The following PAPPA variants were observed in gnomAD, a reference collection of about 807,000 sequenced individuals.
PAPPA encodes pappalysin-1.
PAPPA carries 60 observed loss-of-function variants against 164.0 expected under a neutral mutation model. The observed-to-expected ratio is 0.37, with a 90% CI of 0.30 to 0.45. The LOEUF is 0.45. Ranked by LOEUF, PAPPA falls within the 20% of genes least tolerant of loss-of-function variation. The pLI is 1.00. For synonymous variants in PAPPA, 875 were observed against 814.1 expected (o/e 1.07, Z -1.27); for missense variants, 1,782 against 2,087.3 (o/e 0.85, Z 2.85).
At position 116,187,730 on chromosome 9, in the gene PAPPA, T is replaced by C; in HGVS notation, c.992T>C (p.Leu331Ser). Reference protein sequence around the residue: ...SLEPPLCGQTLCDNTEVIASY... With the variant: ...SLEPPLCGQTSCDNTEVIASY... ...GAGCCTCCTCTGTGCGGACAGACAT[T>C]GTGTGACAACACAGAGGTCATTGCC... Residue 331 changes from leucine to serine, a missense_variant, in exon 2 of 22, where the codon TTG (leucine) becomes TCG (serine). Transcript: ENST00000328252. This position sits in a 1 kb window ranked among gnomAD's most constrained non-coding sequence, Gnocchi z 4.2. 1 of 1,614,214 alleles carries C rather than the reference T, an allele frequency of 6.2e-7. No homozygotes were observed. The highest frequency in any genetic ancestry group is 8.5e-7 in the Non-Finnish European group (1 of 1,180,028).
chr9:116,295,803 C>G (rs1276040598), intron 9 of PAPPA, among the ~76,000 whole-genome samples: 2 of 152,150 alleles, frequency 1.3e-5, no homozygotes, highest in African/African-American at 2.4e-5. Context: ...TCTCCCAAAT[C>G]ATTTTGTCAA....
At chr9:116,177,936 T>A (rs1328106079) in intron 1 of PAPPA, among the ~76,000 whole-genome samples, 1 of 152,140 alleles carries the variant, frequency 6.6e-6, no homozygotes, top group East Asian at 1.9e-4. Context: ...TGCACCAATT[T>A]TATATGCACT....
At chr9:116,252,683 C>T (rs530748263) in intron 7 of PAPPA, among the ~76,000 whole-genome samples, 4 of 152,298 alleles carry the variant, frequency 2.6e-5, no homozygotes, top group South Asian at 4.1e-4. Flanking sequence ...CAGTTCCTTG[C>T]GTTTACAACA....
chr9:116,397,258 G>A lies in PAPPA; in HGVS notation c.*642G>A, dbSNP rs1846977114. ...ACCTAGGAAGAGGTAAAGATTATCAGGTATGCAAAGCGCCCCAATTCTTCT... is the reference window on the plus strand; with the variant it reads ...ACCTAGGAAGAGGTAAAGATTATCAAGTATGCAAAGCGCCCCAATTCTTCT... On this transcript the variant is annotated 3_prime_UTR_variant, in exon 22 of 22. Coordinates refer to ENST00000328252, the MANE Select transcript of PAPPA (RefSeq NM_002581.5). 6.6e-6 allele frequency: 1 copy of A among 152,604 alleles called. No individual in the cohort carries two copies. Among genetic ancestry groups the A allele is most frequent in the Non-Finnish European group, 1.5e-5 (1 of 68,038 alleles). The allele number at this position is 152,604 out of a possible 1,614,324, so 9.5% of individuals were successfully genotyped here. A position where few individuals can be genotyped will look rare whatever the true frequency, so the allele number is the denominator to read the frequency against.
At chr9:116,330,847 A>G (rs1845981842) in intron 10 of PAPPA, among the ~76,000 whole-genome samples, 1 of 152,094 alleles carries the variant, frequency 6.6e-6, no homozygotes, top group African/African-American at 2.4e-5. Context: ...ATTTGATCAC[A>G]ACTTAAGGCG....
At chr9:116,329,660 T>C (rs539828005) in intron 10 of PAPPA, among the ~76,000 whole-genome samples, 17 of 152,210 alleles carry the variant, frequency 1.1e-4, no homozygotes, top group Non-Finnish European at 2.4e-4. Flanking sequence ...TTTTTATAAA[T>C]GACGTCATGA....
At chr9:116,216,078 GT>G (rs1844367755) in intron 4 of PAPPA, among the ~76,000 whole-genome samples, 1 of 151,958 alleles carries the variant, frequency 6.6e-6, no homozygotes, top group Non-Finnish European at 1.5e-5. Flanking sequence ...CTACAGTGAA[GT>G]TTTTATTATA....
intron 20 of PAPPA, among the ~76,000 whole-genome samples, chr9:116,379,202 T>C (rs567148476): frequency 6.6e-6 from 1 of 152,348 alleles, no homozygotes; most frequent in South Asian, 2.1e-4. Flanking sequence ...ACCTTTGCCC[T>C]TGCAGGTGCC....
chr9:116,377,971 C>T (rs1846677668), intron 20 of PAPPA, among the ~76,000 whole-genome samples: 1 of 152,104 alleles, frequency 6.6e-6, no homozygotes, highest in Non-Finnish European at 1.5e-5. Context: ...TAATGATTTA[C>T]CATCTAGAAT....
intron 21 of PAPPA, among the ~76,000 whole-genome samples, chr9:116,389,823 TTTC>T (rs1332385489): frequency 2.6e-5 from 4 of 151,866 alleles, no homozygotes; most frequent in Non-Finnish European, 5.9e-5. Context: ...TTTTTTTTTC[TTTC>T]TTTCTTCCCT....
intron 18 of PAPPA, among the ~76,000 whole-genome samples, chr9:116,365,484 C>T (rs1351048194): frequency 7.3e-5 from 11 of 150,342 alleles, no homozygotes; most frequent in African/African-American, 1.2e-4. Context: ...GGGAGGGAGA[C>T]GCGGAGAAAG....
chr9:116,156,258 G>A (rs73654615), intron 1 of PAPPA, among the ~76,000 whole-genome samples: 1,768 of 148,482 alleles, frequency 0.012, 37 homozygotes, highest in African/African-American at 0.041. Flanking sequence ...AACTATGTAA[G>A]TGTGTCTACA....
chr9:116,271,053 G>A lies in PAPPA; in HGVS notation c.2862-272G>A, dbSNP rs1157521309. Among the ~76,000 whole-genome samples, 1 of 152,154 alleles carries A rather than the reference G, an allele frequency of 6.6e-6. No individual in the cohort carries two copies. The highest frequency in any genetic ancestry group is 1.5e-5 in the Non-Finnish European group (1 of 68,024). ...GTTCTTCCATGTCTTACTCCCATCTGACTTAACTGACTTGAGATCTCAGAG... is the reference window on the plus strand; with the variant it reads ...GTTCTTCCATGTCTTACTCCCATCTAACTTAACTGACTTGAGATCTCAGAG... On this transcript the variant is annotated intron_variant, in intron 8 of 21. Coordinates refer to ENST00000328252, the MANE Select transcript of PAPPA (RefSeq NM_002581.5). The surrounding 1 kb of genome is among the most constrained non-coding windows in gnomAD (Gnocchi z 4.2).
intron 9 of PAPPA, among the ~76,000 whole-genome samples, chr9:116,273,618 A>G (rs373148388): frequency 6.6e-6 from 1 of 152,174 alleles, no homozygotes; most frequent in South Asian, 2.1e-4. Flanking sequence ...AATTTTAAAC[A>G]TACAGTGTAG....
Position 116,271,219 on chromosome 9 carries a change from G to A in PAPPA, c.2862-106G>A. 1 of 726,080 alleles carries A rather than the reference G, an allele frequency of 1.4e-6. No individual in the cohort carries two copies. The highest frequency in any genetic ancestry group is 1.6e-5 in the South Asian group (1 of 62,990). The allele number at this position is 726,080 out of a possible 1,614,324, so 45.0% of individuals were successfully genotyped here. The stretch of plus-strand genomic sequence containing the variant: ...GAGACTCAGACAGAGAAAGGGATTT[G>A]TGCAAGGTCTCACTGAAGGTTCATG... On this transcript the variant is annotated intron_variant, in intron 8 of 21. Transcript: ENST00000328252. The surrounding 1 kb of genome is among the most constrained non-coding windows in gnomAD (Gnocchi z 4.2).
intron 1 of PAPPA, among the ~76,000 whole-genome samples, chr9:116,175,260 T>C (rs1843821129): frequency 6.6e-6 from 1 of 152,152 alleles, no homozygotes; most frequent in South Asian, 2.1e-4. Context: ...AGAGGAGCGT[T>C]TGAAAACTGG....
At chr9:116,272,394 GC>G (rs1845147512) in intron 9 of PAPPA, among the ~76,000 whole-genome samples, 1 of 152,188 alleles carries the variant, frequency 6.6e-6, no homozygotes, top group South Asian at 2.1e-4. Context: ...TCACTGACAG[GC>G]AATTTTCTAG....
chr9:116,309,397 G>A (rs1471393206), intron 10 of PAPPA, among the ~76,000 whole-genome samples: 1 of 152,102 alleles, frequency 6.6e-6, no homozygotes, highest in East Asian at 1.9e-4. Context: ...TTTTCTGATG[G>A]CTGCCAAGTC....
chr9:116,199,205 A>G (rs1844142593), intron 2 of PAPPA, among the ~76,000 whole-genome samples: 1 of 152,182 alleles, frequency 6.6e-6, no homozygotes, highest in African/African-American at 2.4e-5. Context: ...TCACGATCCA[A>G]TCCACAAGGA....
Sources: gnomAD v4.1 joint callset for allele counts (sites outside exome capture counted in the v4.1 genomes callset) on GRCh38, gnomAD v4.1.1 for gene constraint, Gnocchi (gnomAD v3.1) non-coding constraint, MANE v1.5 for transcripts, NCBI Gene and HGNC (gene_info 2026-07-23, HGNC 2026-07-21) for gene names.